The following LIMS1 variants were observed in gnomAD, a reference collection of about 807,000 sequenced individuals.
LIMS1 encodes LIM and senescent cell antigen-like-containing domain protein 1.
Under a neutral mutation model 44.1 loss-of-function variants are expected in LIMS1, and 18 were observed. The observed-to-expected ratio is 0.41, with a 90% confidence interval of 0.28 to 0.61. LIMS1 has a LOEUF of 0.61. Among genes scored for constraint, LIMS1 ranks in the 20% least tolerant of loss-of-function variants. The probability of loss-of-function intolerance (pLI) is 0.32; values close to 1 mark genes in which losing one functional copy is unlikely to be tolerated. For missense variants in LIMS1, 201 were observed against 422.0 expected, an observed-to-expected ratio of 0.48 and a Z score of 4.59; for synonymous variants, 93 against 149.1, an observed-to-expected ratio of 0.62 and a Z score of 2.74.
intron 1 of LIMS1, among the ~76,000 whole-genome samples, chr2:108,570,532 G>A (rs965886319): frequency 6.6e-6 from 1 of 152,086 alleles, no homozygotes; most frequent in Non-Finnish European, 1.5e-5. Flanking sequence ...GGTTGGTCGT[G>A]GGGGAGGAAA....
At chr2:108,570,690 A>G (rs1197389504) in intron 1 of LIMS1, among the ~76,000 whole-genome samples, 1 of 152,188 alleles carries the variant, frequency 6.6e-6, no homozygotes, top group Non-Finnish European at 1.5e-5. Context: ...GAACGTGGCC[A>G]TCCTGGGAGG....
intron 1 of LIMS1, among the ~76,000 whole-genome samples, chr2:108,628,613 G>A (rs1177246148): frequency 6.6e-6 from 1 of 151,952 alleles, no homozygotes; most frequent in Admixed American, 6.6e-5. Flanking sequence ...AATTACAGGC[G>A]CACCACCACG....
At chr2:108,662,881 C>T (rs1315828208) in intron 2 of LIMS1, 1 of 428,552 alleles carries the variant, frequency 2.3e-6, no homozygotes, top group Admixed American at 6.0e-5. Context: ...TTTCTTTTCT[C>T]TAGAAGACTA....
At chr2:108,601,966 A>G (rs199701340) in intron 1 of LIMS1, among the ~76,000 whole-genome samples, 1 of 56,492 alleles carries the variant, frequency 1.8e-5, no homozygotes, top group African/African-American at 3.9e-5. Context: ...TTGGTGTTCT[A>G]TTCAATTTTC....
intron 1 of LIMS1, among the ~76,000 whole-genome samples, chr2:108,565,386 G>A (rs1293714034): frequency 6.6e-6 from 1 of 152,178 alleles, no homozygotes; most frequent in South Asian, 2.1e-4. Context: ...ATGGTGTTAA[G>A]TAACTCTTTT....
At chr2:108,544,647 A>G (rs1319878654) in intron 1 of LIMS1, among the ~76,000 whole-genome samples, 1 of 152,026 alleles carries the variant, frequency 6.6e-6, no homozygotes, top group African/African-American at 2.4e-5. Flanking sequence ...GGTGCCTACC[A>G]CCATGCCTGG....
At chr2:108,607,934 T>G (rs1687365805) in intron 1 of LIMS1, among the ~76,000 whole-genome samples, 1 of 152,228 alleles carries the variant, frequency 6.6e-6, no homozygotes, top group East Asian at 1.9e-4. Context: ...GCAGGCGCAG[T>G]GCTTTGAAAC....
chr2:108,596,309 A>G (rs923483114), intron 1 of LIMS1, among the ~76,000 whole-genome samples: 2 of 152,246 alleles, frequency 1.3e-5, no homozygotes, highest in Non-Finnish European at 2.9e-5. Flanking sequence ...AGGAAATGAA[A>G]GGGTCCGTGG....
At chr2:108,545,544 C>T (rs545134828) in intron 1 of LIMS1, among the ~76,000 whole-genome samples, 3 of 152,284 alleles carry the variant, frequency 2.0e-5, no homozygotes, top group Admixed American at 6.5e-5. Flanking sequence ...GGTGCATCCT[C>T]TATTATATTA....
chr2:108,536,381 C>G (rs1026535732), intron 1 of LIMS1, among the ~76,000 whole-genome samples: 1 of 152,236 alleles, frequency 6.6e-6, no homozygotes, highest in East Asian at 1.9e-4. Context: ...ATGACTTTGA[C>G]TACTGCTGGT....
At chr2:108,535,235 G>T (rs1016794402) in intron 1 of LIMS1, among the ~76,000 whole-genome samples, 13 of 152,180 alleles carry the variant, frequency 8.5e-5, no homozygotes, top group African/African-American at 2.9e-4. Context: ...AAGAAAATCT[G>T]ATCTTACACA....
At chr2:108,552,386 A>G (rs1684782035) in intron 1 of LIMS1, among the ~76,000 whole-genome samples, 1 of 144,340 alleles carries the variant, frequency 6.9e-6, no homozygotes, top group Non-Finnish European at 1.5e-5. Context: ...TATATATGAA[A>G]CTATATATAC....
intron 1 of LIMS1, among the ~76,000 whole-genome samples, chr2:108,656,516 A>G (rs1377850077): frequency 2.0e-5 from 3 of 152,336 alleles, no homozygotes; most frequent in African/African-American, 4.8e-5. Flanking sequence ...TAAAATCAAC[A>G]TTTAAAAAAA....
At chr2:108,633,710 A>G (rs768204050) in intron 1 of LIMS1, among the ~76,000 whole-genome samples, 8 of 152,256 alleles carry the variant, frequency 5.3e-5, no homozygotes, top group Admixed American at 1.3e-4. Flanking sequence ...GAGTCATACA[A>G]GTGCATGTTT....
At chr2:108,630,005 C>A (rs188050243) in intron 1 of LIMS1, among the ~76,000 whole-genome samples, 23 of 152,218 alleles carry the variant, frequency 1.5e-4, no homozygotes, top group Admixed American at 7.8e-4. Context: ...CCAGACTGGG[C>A]AACATGGTGA....
At chr2:108,664,706 A>G (rs1296325442) in intron 2 of LIMS1, among the ~76,000 whole-genome samples, 2 of 152,100 alleles carry the variant, frequency 1.3e-5, no homozygotes, top group Non-Finnish European at 2.9e-5. Flanking sequence ...GAGCTATACT[A>G]TGTTTGATCA....
At chr2:108,644,695 C>T (rs936020341) in intron 1 of LIMS1, among the ~76,000 whole-genome samples, 1 of 152,004 alleles carries the variant, frequency 6.6e-6, no homozygotes, top group African/African-American at 2.4e-5. Flanking sequence ...TAATAACAAA[C>T]TCCTCCGAGC....
At chr2:108,625,265 A>G (rs1688495207) in intron 1 of LIMS1, among the ~76,000 whole-genome samples, 1 of 152,204 alleles carries the variant, frequency 6.6e-6, no homozygotes, top group South Asian at 2.1e-4. Flanking sequence ...GTGTCCACAA[A>G]TGAAGTTTTA....
chr2:108,568,296 T>A (rs1392268767), intron 1 of LIMS1, among the ~76,000 whole-genome samples: 1 of 152,248 alleles, frequency 6.6e-6, no homozygotes, highest in Non-Finnish European at 1.5e-5. Context: ...TATTTGTTCT[T>A]TTGTGACTGG....
Sources: allele counts gnomAD v4.1 joint callset (sites outside exome capture counted in the v4.1 genomes callset), GRCh38; gene constraint gnomAD v4.1.1; transcripts MANE v1.5; gene names NCBI Gene and HGNC (gene_info 2026-07-23, HGNC 2026-07-21).